The following PDXDC1 variants were observed in gnomAD, a reference collection of about 807,000 sequenced individuals.
PDXDC1 encodes the protein pyridoxal-dependent decarboxylase domain-containing protein 1.
A neutral mutation model predicts 100.1 loss-of-function variants in PDXDC1; 42 were observed. The ratio of observed to expected loss-of-function variants is 0.42; its 90% CI spans 0.33 to 0.54. PDXDC1 has a LOEUF of 0.54. Ranked by LOEUF, PDXDC1 falls within the 20% of genes least tolerant of loss-of-function variation. PDXDC1 has a pLI of 0.10. For synonymous variants in PDXDC1, 260 were observed against 371.7 expected (o/e 0.70, Z 3.46); for missense variants, 636 against 979.2 (o/e 0.65, Z 4.68).
intron 16 of PDXDC1, chr16:15,127,693 G>A (rs1158492989): frequency 2.1e-5 from 31 of 1,444,054 alleles, no homozygotes; most frequent in Middle Eastern, 2.4e-4. Context: ...CCACCTGTAG[G>A]CAGAGTCACC....
At chr16:15,141,192 G>A (rs1389149975), downstream of PDXDC1, among the ~76,000 whole-genome samples, 23 of 152,282 alleles carry the variant, frequency 1.5e-4, no homozygotes, top group South Asian at 4.1e-4. Flanking sequence ...TCCTCCCACC[G>A]GAGCTCCGCT....
At position 15,056,009 on chromosome 16, in the gene PDXDC1, CG is replaced by C. The variant is rs1367536366; in HGVS notation, c.1399+25955del. The stretch of plus-strand genomic sequence containing the variant: ...CGCCCAGGCAGGCCCAGGGAGGCGG[CG>C]GCCCCCCGCTTTGCAGCCCCGGGCC... On this transcript the variant is annotated intron_variant, in intron 16 of 16. Coordinates refer to the PDXDC1 transcript ENST00000535621. 12 of 1,120,224 alleles carry C rather than the reference CG, an allele frequency of 1.1e-5. No individual in the cohort carries two copies. In the East Asian group the frequency reaches 3.7e-4, roughly 34 times the overall value. The allele number at this position is 1,120,224 out of a possible 1,614,324, so 69.4% of individuals were successfully genotyped here. A position where few individuals can be genotyped will look rare whatever the true frequency, so the allele number is the denominator to read the frequency against.
At chr16:15,016,874 A>C (rs2041833022) in intron 9 of PDXDC1, among the ~76,000 whole-genome samples, 1 of 152,298 alleles carries the variant, frequency 6.6e-6, no homozygotes, top group Non-Finnish European at 1.5e-5. Flanking sequence ...TCCATGAAAG[A>C]GAAGAATACT....
chr16:15,085,125 G>A (rs1002658901), intron 16 of PDXDC1, among the ~76,000 whole-genome samples: 3 of 151,884 alleles, frequency 2.0e-5, no homozygotes, highest in African/African-American at 7.3e-5. Context: ...TAACCAAAAC[G>A]GAATAATTTA....
At chr16:15,013,348 C>CA (rs1310266362) in intron 8 of PDXDC1, among the ~76,000 whole-genome samples, 32,214 of 105,064 alleles carry the variant, frequency 0.31, 1,570 homozygotes, top group Non-Finnish European at 0.35. Context: ...GACCCTATCT[C>CA]AAAAAAAAAA....
At chr16:15,100,967 G>A (rs182394365) in intron 16 of PDXDC1, among the ~76,000 whole-genome samples, 1 of 152,242 alleles carries the variant, frequency 6.6e-6, no homozygotes, top group Admixed American at 6.5e-5. Context: ...CAACAGGGAC[G>A]CTATCTCAAA....
chr16:15,089,830 G>C (rs932184037), intron 16 of PDXDC1, among the ~76,000 whole-genome samples: 1 of 148,082 alleles, frequency 6.8e-6, no homozygotes, highest in Non-Finnish European at 1.5e-5. Context: ...AGGATCAGGA[G>C]ACAGGAGGAT....
At chr16:15,071,166 T>C (rs1313190454) in intron 16 of PDXDC1, 24 of 1,610,484 alleles carry the variant, frequency 1.5e-5, no homozygotes, top group Non-Finnish European at 2.0e-5. Context: ...TCCAATATAA[T>C]TTCCAGCAGC....
Position 15,135,610 on chromosome 16 carries a change from G to A in PDXDC1, c.1400-3269G>A, listed in dbSNP as rs1193178059. 2.0e-4 allele frequency: 299 copies of A among 1,508,822 alleles called. 1 individual carries two copies. The highest frequency in any genetic ancestry group is 2.5e-4 in the Non-Finnish European group (274 of 1,094,420). The allele number at this position is 1,508,822 out of a possible 1,614,324, so 93.5% of individuals were successfully genotyped here. Reference sequence around the variant, plus strand: ...GTTCTCTGGGCTCATGGGTGTGGACGGGTGAGGGGCATGGAGGACGGCCCT... The same window carrying A: ...GTTCTCTGGGCTCATGGGTGTGGACAGGTGAGGGGCATGGAGGACGGCCCT... On this transcript the variant is annotated intron_variant, in intron 16 of 16. Transcript: ENST00000535621.
intron 1 of PDXDC1, among the ~76,000 whole-genome samples, chr16:14,976,418 T>A (rs1394230743): frequency 6.6e-6 from 1 of 152,296 alleles, no homozygotes; most frequent in South Asian, 2.1e-4. Flanking sequence ...GATGTCTTCA[T>A]GTGCTCACAG....
chr16:15,134,426 T>G, intron 16 of PDXDC1: 1 of 528,196 alleles, frequency 1.9e-6, no homozygotes, highest in Non-Finnish European at 3.4e-6. Flanking sequence ...AGGATGCTGC[T>G]CCCAAACTCC....
Position 14,975,065 on chromosome 16 carries a change from G to T in PDXDC1, c.-135G>T. On this transcript the variant is annotated 5_prime_UTR_variant, in exon 1 of 23. Coordinates refer to ENST00000396410, the MANE Select transcript of PDXDC1 (RefSeq NM_015027.4). Reference sequence around the variant, plus strand: ...GTTCGGCAGCCCGCGGCGCCGCCTGGCAGCTCCTCCTCTTCTCCGCCCCGC... The same window carrying T: ...GTTCGGCAGCCCGCGGCGCCGCCTGTCAGCTCCTCCTCTTCTCCGCCCCGC... The T allele has an allele frequency of 6.6e-7, 1 of 1,511,102 alleles. No homozygotes were observed. The highest frequency in any genetic ancestry group is 8.8e-7 in the Non-Finnish European group (1 of 1,137,886). 93.6% of individuals were successfully genotyped at this position (1,511,102 alleles called of 1,614,324 possible). A position where few individuals can be genotyped will look rare whatever the true frequency, so the allele number is the denominator to read the frequency against.
At chr16:15,135,143 G>T (rs559847426) in intron 16 of PDXDC1, 19 of 744,160 alleles carry the variant, frequency 2.6e-5, no homozygotes, top group African/African-American at 8.6e-5. Flanking sequence ...GCAGGCTGTC[G>T]TGTTACGTAG....
At chr16:15,132,984 G>A in intron 16 of PDXDC1, 2 of 1,525,250 alleles carry the variant, frequency 1.3e-6, no homozygotes, top group South Asian at 2.3e-5. Context: ...GCTGTGTGAT[G>A]TGGGCATTGA....
At chr16:15,046,386 G>C (rs1041904617) in intron 16 of PDXDC1, among the ~76,000 whole-genome samples, 2 of 152,184 alleles carry the variant, frequency 1.3e-5, no homozygotes, top group Non-Finnish European at 2.9e-5. Context: ...AGCAAGGAGA[G>C]GGGACAGGTG....
downstream of PDXDC1, chr16:15,038,617 T>C (rs1398353809): frequency 6.2e-7 from 1 of 1,609,354 alleles, no homozygotes; most frequent in South Asian, 1.1e-5. Context: ...GAAATCCACA[T>C]GTGGAAATGG....
downstream of PDXDC1, among the ~76,000 whole-genome samples, chr16:15,043,076 T>C (rs1005238848): frequency 1.3e-5 from 2 of 152,056 alleles, no homozygotes; most frequent in African/African-American, 4.8e-5. Flanking sequence ...AATTTTGTAT[T>C]TTTAGTAGAG....
At chr16:15,101,343 G>A (rs1199651404) in intron 16 of PDXDC1, among the ~76,000 whole-genome samples, 1 of 152,182 alleles carries the variant, frequency 6.6e-6, no homozygotes, top group Non-Finnish European at 1.5e-5. Context: ...TTGAGACGGA[G>A]TCTCGCTCTT....
At chr16:15,072,957 A>C in intron 16 of PDXDC1, 11 of 1,613,414 alleles carry the variant, frequency 6.8e-6, no homozygotes, top group Non-Finnish European at 9.3e-6. Context: ...CACCAATTTG[A>C]AACTACAGAG....
Sources: gnomAD v4.1 joint callset for allele counts (sites outside exome capture counted in the v4.1 genomes callset) on GRCh38, gnomAD v4.1.1 for gene constraint, MANE v1.5 for transcripts, NCBI Gene and HGNC (gene_info 2026-07-23, HGNC 2026-07-21) for gene names.